Variants in NAV2 observed in about 807,000 individuals in gnomAD.
The protein encoded by NAV2 is helicase, APC down-regulated 1.
In NAV2, 54 loss-of-function variants were observed where a neutral mutation model predicts 223.2. The observed-to-expected ratio is 0.24, with a 90% CI of 0.19 to 0.30. The LOEUF is 0.30. Among genes scored for constraint, NAV2 ranks in the 10% least tolerant of loss-of-function variants. The pLI is 1.00. For missense variants in NAV2, 2,806 were observed against 3,147.5 expected, an observed-to-expected ratio of 0.89 and a Z score of 2.60; for synonymous variants, 1,279 against 1,239.3, an observed-to-expected ratio of 1.03 and a Z score of -0.67.
intron 6 of NAV2, among the ~76,000 whole-genome samples, chr11:19,903,078 G>A (rs1052818201): frequency 1.3e-5 from 2 of 152,114 alleles, no homozygotes; most frequent in South Asian, 2.1e-4. Context: ...AGTGACTCTC[G>A]CAAATAAAGT....
At chr11:19,858,085 T>C (rs991006037) in intron 3 of NAV2, among the ~76,000 whole-genome samples, 1 of 152,234 alleles carries the variant, frequency 6.6e-6, no homozygotes, top group Non-Finnish European at 1.5e-5. Flanking sequence ...CTCGATCTCC[T>C]GACCTTGTGA....
chr11:19,351,791 G>T (rs1445520669), intron 1 of NAV2, among the ~76,000 whole-genome samples: 2 of 88,192 alleles, frequency 2.3e-5, no homozygotes, highest in Admixed American at 1.8e-4. Flanking sequence ...CCTTTGAAAT[G>T]TTGTGTATGG....
intron 20 of NAV2, among the ~76,000 whole-genome samples, chr11:20,064,658 T>G (rs1475516483): frequency 3.3e-5 from 5 of 152,216 alleles, no homozygotes; most frequent in Admixed American, 2.0e-4. Flanking sequence ...TAAAAGACTC[T>G]CCTTCAGTAG....
intron 1 of NAV2, among the ~76,000 whole-genome samples, chr11:19,623,382 C>T (rs2047066457): frequency 6.6e-6 from 1 of 152,174 alleles, no homozygotes. Flanking sequence ...TTCCATTCTC[C>T]CCGTCACTTT....
intron 12 of NAV2, among the ~76,000 whole-genome samples, chr11:20,041,523 G>A (rs1489392228): frequency 6.6e-6 from 1 of 152,116 alleles, no homozygotes; most frequent in African/African-American, 2.4e-5. Flanking sequence ...ATAAGTATAG[G>A]AACATTAAAA....
chr11:19,457,481 AT>A (rs1355782503), intron 1 of NAV2, among the ~76,000 whole-genome samples: 1 of 152,308 alleles, frequency 6.6e-6, no homozygotes, highest in East Asian at 1.9e-4. Flanking sequence ...GGGAAGAGGG[AT>A]GGAGGAGGGG....
At chr11:19,423,622 A>G (rs1016706187) in intron 1 of NAV2, among the ~76,000 whole-genome samples, 1 of 152,238 alleles carries the variant, frequency 6.6e-6, no homozygotes, top group Non-Finnish European at 1.5e-5. Context: ...ACATTCCTCT[A>G]AGGCAAGTAC....
In NAV2 at chr11:20,079,942, T is replaced by G. The variant is rs76146892; in HGVS notation, c.5180-122T>G. Reference sequence around the variant, plus strand: ...AAACAGCTGTAGGGATCAGAGTTGATGTATATGTGGAAAACACCCAGTAGT... The same window carrying G: ...AAACAGCTGTAGGGATCAGAGTTGAGGTATATGTGGAAAACACCCAGTAGT... On this transcript the variant is annotated intron_variant, in intron 24 of 37. Coordinates refer to ENST00000349880, the MANE Select transcript of NAV2 (RefSeq NM_145117.5). 3,327 of 977,794 alleles carry G rather than the reference T, an allele frequency of 3.4e-3. 78 individuals carry two copies. The African/African-American group carries it at 0.049, about 14-fold the overall frequency. 60.6% of individuals were successfully genotyped at this position (977,794 alleles called of 1,614,324 possible).
intron 1 of NAV2, among the ~76,000 whole-genome samples, chr11:19,735,601 A>G (rs2052207875): frequency 6.6e-6 from 1 of 152,232 alleles, no homozygotes; most frequent in Non-Finnish European, 1.5e-5. Context: ...GCTAAGAATT[A>G]TATAGCTAAA....
At chr11:19,733,726 G>C in intron 1 of NAV2, among the ~76,000 whole-genome samples, 1 of 152,116 alleles carries the variant, frequency 6.6e-6, no homozygotes, top group East Asian at 1.9e-4. Flanking sequence ...GTAGGGGAAG[G>C]CGGGCTGAAA....
intron 1 of NAV2, among the ~76,000 whole-genome samples, chr11:19,412,084 C>G (rs938731171): frequency 6.6e-6 from 1 of 152,130 alleles, no homozygotes; most frequent in African/African-American, 2.4e-5. Context: ...ACCATTCACT[C>G]CCCTGGAAAG....
intron 1 of NAV2, among the ~76,000 whole-genome samples, chr11:19,722,312 A>G (rs2050806734): frequency 7.9e-6 from 1 of 127,072 alleles, no homozygotes; most frequent in Non-Finnish European, 1.6e-5. Context: ...TTTTAAATGA[A>G]GTAATTTTTT....
chr11:19,892,826 G>A (rs1478814730), intron 6 of NAV2, among the ~76,000 whole-genome samples: 1 of 152,106 alleles, frequency 6.6e-6, no homozygotes, highest in Non-Finnish European at 1.5e-5. Flanking sequence ...GTTTGGGTGG[G>A]GCCCCATAGA....
chr11:19,493,885 G>A (rs1243049641), intron 1 of NAV2, among the ~76,000 whole-genome samples: 1 of 152,154 alleles, frequency 6.6e-6, no homozygotes, highest in Non-Finnish European at 1.5e-5. Flanking sequence ...AAAAAGAAAG[G>A]CCCGAAAGAA....
intron 35 of NAV2, among the ~76,000 whole-genome samples, chr11:20,106,145 G>GTC (rs2062013976): frequency 4.7e-5 from 1 of 21,376 alleles, no homozygotes; most frequent in Non-Finnish European, 4.1e-4. Flanking sequence ...TTGTTCATAT[G>GTC]TGTGTGTGTG....
chr11:19,615,948 C>A (rs1215372598), intron 1 of NAV2, among the ~76,000 whole-genome samples: 1 of 152,136 alleles, frequency 6.6e-6, no homozygotes, highest in Non-Finnish European at 1.5e-5. Context: ...CTACCCCTAA[C>A]CCTGTAAGCA....
chr11:19,505,643 G>T (rs939216937), intron 1 of NAV2: 9 of 152,176 alleles, frequency 5.9e-5, no homozygotes, highest in African/African-American at 2.2e-4. Context: ...CTCAGGTGGG[G>T]GCCATTCCTA....
chr11:19,756,513 C>G (rs2054245073), intron 1 of NAV2, among the ~76,000 whole-genome samples: 1 of 152,174 alleles, frequency 6.6e-6, no homozygotes, highest in Non-Finnish European at 1.5e-5. Context: ...CCAGAGTCAA[C>G]CTGAAACCCC....
At chr11:19,660,997 A>G (rs184945495) in intron 1 of NAV2, among the ~76,000 whole-genome samples, 1 of 152,312 alleles carries the variant, frequency 6.6e-6, no homozygotes, top group East Asian at 1.9e-4. Flanking sequence ...AGTGGCATGA[A>G]GTACATTCAC....
Sources: allele counts gnomAD v4.1 joint callset (sites outside exome capture counted in the v4.1 genomes callset), GRCh38; gene constraint gnomAD v4.1.1; transcripts MANE v1.5; gene names NCBI Gene and HGNC (gene_info 2026-07-23, HGNC 2026-07-21).